MKLN1: variants seen among roughly 807,000 people sequenced by gnomAD.
The protein encoded by MKLN1 is muskelin.
A neutral mutation model predicts 99.0 loss-of-function variants in MKLN1; 18 were observed. The ratio of observed to expected loss-of-function variants is 0.18; its 90% CI spans 0.13 to 0.27. The LOEUF is 0.27. Among genes scored for constraint, MKLN1 ranks in the 10% least tolerant of loss-of-function variants. The pLI is 1.00. For missense variants in MKLN1, 621 were observed against 875.9 expected (o/e 0.71, Z 3.67); for synonymous variants, 288 against 293.2 (o/e 0.98, Z 0.18).
rs1047802028 is a variant in MKLN1 at position 131,144,906 on chromosome 7, G to A, written c.-297+1965G>A. ...GCAGGAGAATCGCTTGAACCCGGTA[G>A]GCAGAAGTTGCAGTGAGCCAAGATT... On this transcript the variant is annotated intron_variant, in intron 2 of 7. Transcript: ENST00000416992. 3.9e-5 allele frequency among the ~76,000 whole-genome samples: 6 copies of A among 152,200 alleles called. No individual in the cohort carries two copies. In the East Asian group the frequency reaches 5.8e-4, roughly 15 times the overall value.
intron 3 of MKLN1, among the ~76,000 whole-genome samples, chr7:131,290,855 G>A (rs746511498): frequency 9.9e-5 from 15 of 152,120 alleles, no homozygotes; most frequent in African/African-American, 3.6e-4. Context: ...AGACTCTGTA[G>A]CACTGCGATT....
chr7:131,117,064 C>G (rs1795288405), intron 1 of MKLN1, among the ~76,000 whole-genome samples: 1 of 152,024 alleles, frequency 6.6e-6, no homozygotes, highest in South Asian at 2.1e-4. Flanking sequence ...AGGACCTTTT[C>G]TAGGACTGAA....
intron 1 of MKLN1, among the ~76,000 whole-genome samples, chr7:131,365,751 C>T (rs545954169): frequency 1.3e-5 from 2 of 152,118 alleles, no homozygotes; most frequent in African/African-American, 2.4e-5. Flanking sequence ...ATCAGATGAT[C>T]GTAGGTATGT....
chr7:131,198,623 G>T (rs1796682906), intron 2 of MKLN1, among the ~76,000 whole-genome samples: 1 of 152,208 alleles, frequency 6.6e-6, no homozygotes, highest in African/African-American at 2.4e-5. Context: ...TTGTAATGAT[G>T]AAAGTGGGGT....
intron 1 of MKLN1, among the ~76,000 whole-genome samples, chr7:131,374,283 G>A (rs771665970): frequency 4.6e-5 from 7 of 152,090 alleles, no homozygotes; most frequent in Non-Finnish European, 8.8e-5. Flanking sequence ...AAATACCAGG[G>A]TGCGGTGCTG....
intron 3 of MKLN1, among the ~76,000 whole-genome samples, chr7:131,287,665 G>T (rs976777979): frequency 4.6e-5 from 7 of 151,972 alleles, no homozygotes; most frequent in Non-Finnish European, 7.4e-5. Flanking sequence ...TGGCGGGGGA[G>T]GGGGAGGAGA....
At chr7:131,181,370 AT>A (rs1796374819) in intron 2 of MKLN1, among the ~76,000 whole-genome samples, 1 of 152,210 alleles carries the variant, frequency 6.6e-6, no homozygotes, top group Non-Finnish European at 1.5e-5. Flanking sequence ...ATGTATTGGT[AT>A]TTAGTATGAG....
At chr7:131,452,849 G>A (rs1796224400) in intron 12 of MKLN1, among the ~76,000 whole-genome samples, 1 of 152,032 alleles carries the variant, frequency 6.6e-6, no homozygotes, top group South Asian at 2.1e-4. Context: ...GCACCCGGCC[G>A]ATCCTTTTAT....
At chr7:131,292,295 T>C (rs1271149978) in intron 3 of MKLN1, among the ~76,000 whole-genome samples, 2 of 152,102 alleles carry the variant, frequency 1.3e-5, no homozygotes, top group African/African-American at 2.4e-5. Context: ...TGCCAGCTAA[T>C]AAATGTTGAG....
rs547283617 is a variant in MKLN1, at chr7:131,293,019, C to T, written c.-178-82405C>T. ...TTGCAATAGGAGGTTGAGTTTATTT[C>T]GCTACCACTTACCTCTGGGCTGGCT... is the stretch of plus-strand genomic sequence containing the variant. On this transcript the variant is annotated intron_variant, in intron 3 of 7. Transcript: ENST00000416992. 1.4e-4 allele frequency among the ~76,000 whole-genome samples: 22 copies of T among 152,282 alleles called. No homozygotes were observed. The South Asian group carries it at 3.3e-3, about 23-fold the overall frequency.
Position 131,336,500 on chromosome 7 carries a change from A to G in MKLN1, c.98+8503A>G, listed in dbSNP as rs181852543. On this transcript the variant is annotated intron_variant, in intron 1 of 17. Coordinates refer to ENST00000352689, the MANE Select transcript of MKLN1 (RefSeq NM_013255.5). The stretch of plus-strand genomic sequence containing the variant: ...GTTTGTCCTACTTGTTCTATATTCT[A>G]TTTTCTCTCCATTGTTGCCTTCTTT... Among the ~76,000 whole-genome samples, 131 of 151,546 alleles carry G rather than the reference A, an allele frequency of 8.6e-4. 1 individual carries two copies. The highest frequency in any genetic ancestry group is 6.8e-3 in the Middle Eastern group (2 of 294).
At chr7:131,225,569 C>A (rs975152589) in intron 3 of MKLN1, among the ~76,000 whole-genome samples, 11 of 152,154 alleles carry the variant, frequency 7.2e-5, no homozygotes, top group Admixed American at 7.2e-4. Flanking sequence ...CACTTTGGAG[C>A]AACAGATCTC....
Position 131,385,882 on chromosome 7 carries a change from ATTTAT to A in MKLN1, c.169-1229_169-1225del, listed in dbSNP as rs375976885. 4.1e-4 allele frequency among the ~76,000 whole-genome samples: 63 copies of A among 152,116 alleles called. 1 individual carries two copies. The East Asian group carries it at 0.012, about 28-fold the overall frequency. ...AAAATTTTAGTTTTGATGAAATCCA[ATTTAT>A]TTTATTTTGTTTGTACTTTTGCTGT... On this transcript the variant is annotated intron_variant, in intron 2 of 17. Coordinates refer to ENST00000352689, the MANE Select transcript of MKLN1 (RefSeq NM_013255.5).
intron 1 of MKLN1, among the ~76,000 whole-genome samples, chr7:131,359,155 G>A (rs375630201): frequency 2.0e-5 from 3 of 152,084 alleles, no homozygotes; most frequent in Non-Finnish European, 4.4e-5. Flanking sequence ...TTTCAATGCC[G>A]TAAATTTCCT....
chr7:131,217,105 T>G (rs1265145228), intron 3 of MKLN1, among the ~76,000 whole-genome samples: 1 of 152,194 alleles, frequency 6.6e-6, no homozygotes, highest in Non-Finnish European at 1.5e-5. Context: ...TGATTGAGAT[T>G]TAGATATTTT....
Position 131,244,675 on chromosome 7 carries a change from C to T in MKLN1, c.-179+41701C>T, listed in dbSNP as rs139318686. On this transcript the variant is annotated intron_variant, in intron 3 of 7. Coordinates refer to the MKLN1 transcript ENST00000416992. ...AGAGTTACAGTGACGACGGTGATGACGGTGATGACGATGATGACGATGATG... is the reference window on the plus strand; with the variant it reads ...AGAGTTACAGTGACGACGGTGATGATGGTGATGACGATGATGACGATGATG... Among the ~76,000 whole-genome samples the T allele has an allele frequency of 1.1e-3, 171 of 152,290 alleles. 1 individual carries two copies. Among genetic ancestry groups the T allele is most frequent in the African/African-American group, 3.0e-3 (125 of 41,566 alleles).
At chr7:131,176,426 A>G (rs542071200) in intron 2 of MKLN1, among the ~76,000 whole-genome samples, 1 of 152,292 alleles carries the variant, frequency 6.6e-6, no homozygotes, top group Admixed American at 6.5e-5. Context: ...TTACGTCTCA[A>G]ATGATCCTTG....
At chr7:131,275,561 ATATATATTTTTTTTTT>A (rs1201412913) in intron 3 of MKLN1, among the ~76,000 whole-genome samples, 5 of 12,512 alleles carry the variant, frequency 4.0e-4, no homozygotes, top group South Asian at 3.2e-3. Flanking sequence ...ATATATATAT[ATATATATTTTTTTTTT>A]TTTTTTTTTT....
intron 2 of MKLN1, among the ~76,000 whole-genome samples, chr7:131,150,132 C>G (rs531681183): frequency 7.2e-5 from 11 of 152,056 alleles, no homozygotes; most frequent in Non-Finnish European, 1.5e-4. Context: ...ATTTGACATC[C>G]TTTCTAGTAC....
Sources: gnomAD v4.1 joint callset for allele counts (sites outside exome capture counted in the v4.1 genomes callset) on GRCh38, gnomAD v4.1.1 for gene constraint, MANE v1.5 for transcripts, NCBI Gene and HGNC (gene_info 2026-07-23, HGNC 2026-07-21) for gene names.